The following WHRN variants were observed in gnomAD, a reference collection of about 807,000 sequenced individuals.
The protein encoded by WHRN is CASK-interacting protein CIP98.
In WHRN, 41 loss-of-function variants were observed where a neutral mutation model predicts 68.3. The ratio of observed to expected loss-of-function variants is 0.60; its 90% CI spans 0.47 to 0.78. WHRN has a LOEUF of 0.78. Ranked by LOEUF, WHRN falls within the 30% of genes least tolerant of loss-of-function variation. WHRN has a pLI of 0.00. For synonymous variants in WHRN, 560 were observed against 561.3 expected (o/e 1.00, Z 0.03); for missense variants, 1,243 against 1,244.7 (o/e 1.00, Z 0.02).
rs1451148955 is a variant in WHRN, at chr9:114,424,363, G to C, written c.1387C>G (p.Leu463Val). The C allele has an allele frequency of 1.2e-6, 2 of 1,612,336 alleles. No homozygotes were observed. Among genetic ancestry groups the C allele is most frequent in the Admixed American group, 1.7e-5 (1 of 60,028 alleles). The change falls in exon 6 of 12, where the codon CTG (leucine) becomes GTG (valine). Residue 463 changes from leucine (L) to valine (V), a missense_variant. Leu to Val is a conservative substitution (Grantham distance 32). Coordinates refer to ENST00000362057, the MANE Select transcript of WHRN (RefSeq NM_015404.4). ...SVSVEALVMA[L>V]FKLLNTHAKF... ...GCGTGGGTGTTGAGCAGCTTGAACA[G>C]GGCCATGACGAGGGCCTCCACAGAG... is the stretch of plus-strand genomic sequence containing the variant.
chr9:114,498,043 TAC>T (rs1179447355), intron 1 of WHRN, among the ~76,000 whole-genome samples: 1 of 152,170 alleles, frequency 6.6e-6, no homozygotes, highest in African/African-American at 2.4e-5. Flanking sequence ...AACGCTGCCA[TAC>T]ACAGACTTCC....
intron 7 of WHRN, among the ~76,000 whole-genome samples, chr9:114,409,293 C>T (rs1459604487): frequency 1.3e-5 from 2 of 152,132 alleles, no homozygotes; most frequent in South Asian, 2.1e-4. Flanking sequence ...TGGGGTCAGT[C>T]GACAAGCAAA....
rs149202009 is a variant in WHRN at position 114,426,193 on chromosome 9, C to T, written c.1166+18G>A. ...TGGCCCTGGGGTCTGGAGATTGGAG[C>T]GAGCAGAGTGGCCAGACCCTGCCGA... On this transcript the variant is annotated intron_variant, in intron 4 of 11. Transcript: ENST00000362057. 5.7e-3 allele frequency: 9,223 copies of T among 1,611,748 alleles called. 37 individuals carry two copies. Among genetic ancestry groups the T allele is most frequent in the Non-Finnish European group, 6.6e-3 (7,752 of 1,179,910 alleles).
intron 8 of WHRN, among the ~76,000 whole-genome samples, chr9:114,407,671 G>A (rs1457148030): frequency 6.9e-6 from 1 of 144,908 alleles, no homozygotes; most frequent in Non-Finnish European, 1.5e-5. Context: ...GGAAACTGAG[G>A]CACAGAGAGG....
intron 3 of WHRN, among the ~76,000 whole-genome samples, chr9:114,457,349 T>C (rs1285815774): frequency 6.6e-6 from 1 of 151,962 alleles, no homozygotes; most frequent in Admixed American, 6.6e-5. Flanking sequence ...TAAATAAGCA[T>C]ATCAAATGTG....
chr9:114,405,010 G>A (rs1834919411), intron 9 of WHRN, among the ~76,000 whole-genome samples: 1 of 151,638 alleles, frequency 6.6e-6, no homozygotes, highest in Admixed American at 6.6e-5. Flanking sequence ...CAGACCAGGT[G>A]TGGTGGAATT....
chr9:114,452,650 C>T (rs542667728), intron 3 of WHRN, among the ~76,000 whole-genome samples: 1 of 152,224 alleles, frequency 6.6e-6, no homozygotes, highest in African/African-American at 2.4e-5. Context: ...CAGACCCTGT[C>T]TCTCAGAGAT....
intron 7 of WHRN, among the ~76,000 whole-genome samples, chr9:114,418,881 G>A (rs1202624126): frequency 6.6e-6 from 1 of 152,108 alleles, no homozygotes; most frequent in Non-Finnish European, 1.5e-5. Context: ...TCTATATCCT[G>A]TGTTATTGCC....
At chr9:114,486,941 TTGTGTGTG>T (rs1347597157) in intron 1 of WHRN, among the ~76,000 whole-genome samples, 525 of 5,280 alleles carry the variant, frequency 0.099, 13 homozygotes, top group African/African-American at 0.13. Context: ...TGTGTGTGTG[TTGTGTGTG>T]TGTGTGTGTG....
chr9:114,442,843 A>G (rs1838491920), intron 3 of WHRN, among the ~76,000 whole-genome samples: 2 of 152,236 alleles, frequency 1.3e-5, no homozygotes, highest in African/African-American at 4.8e-5. Context: ...TAAATTACCC[A>G]GGCTCGGATA....
intron 1 of WHRN, 123 bp from the exon 2 acceptor site, chr9:114,478,894 G>T (rs1390209081): frequency 3.3e-6 from 3 of 907,528 alleles, no homozygotes; most frequent in East Asian, 5.2e-5. Context: ...GGCCAGCCCT[G>T]AAGTCCCTTT....
intron 3 of WHRN, among the ~76,000 whole-genome samples, chr9:114,451,445 G>GA: frequency 6.6e-6 from 1 of 152,272 alleles, no homozygotes; most frequent in African/African-American, 2.4e-5. Context: ...TGATTTCAAG[G>GA]AATCACCTGG....
Position 114,403,248 on chromosome 9 carries a change from C to T in WHRN, c.2510G>A (p.Arg837His), listed in dbSNP as rs55749855. 8.3e-4 allele frequency: 1,342 copies of T among 1,614,148 alleles called. 1 individual carries two copies. The highest frequency in any genetic ancestry group is 1.3e-3 in the South Asian group (117 of 91,084). ...AGTGACAATCCTAGGCAGGGGCTGG[C>T]GGGTGTTGGCGCCACCCTCGATGGC... ...GIAIEGGANT[R>H]QPLPRIVTIQ... The change falls in exon 11 of 12, where the codon CGC (arginine) becomes CAC (histidine). Residue 837 changes from arginine to histidine, a missense_variant. Physicochemically the swap from Arg to His is conservative, Grantham distance 29 (BLOSUM62 0). Transcript: ENST00000362057.
At chr9:114,435,359 C>T (rs527384168) in intron 3 of WHRN, among the ~76,000 whole-genome samples, 27 of 152,146 alleles carry the variant, frequency 1.8e-4, no homozygotes, top group Non-Finnish European at 3.5e-4. Context: ...GCAGACAGGC[C>T]GGAGACATTT....
intron 1 of WHRN, among the ~76,000 whole-genome samples, chr9:114,486,965 A>G (rs1191118389): frequency 0.085 from 84 of 984 alleles, 1 homozygote; most frequent in African/African-American, 0.12. Flanking sequence ...GTGTGTATAT[A>G]TATATATATA....
chr9:114,455,713 CAAAAAA>C (rs34546424), intron 3 of WHRN, among the ~76,000 whole-genome samples: 4 of 123,340 alleles, frequency 3.2e-5, no homozygotes, highest in Non-Finnish European at 3.5e-5. Context: ...GACCCTGTCT[CAAAAAA>C]AAAAAAAAAA....
intron 1 of WHRN, among the ~76,000 whole-genome samples, chr9:114,484,903 G>A (rs1024790023): frequency 5.3e-5 from 8 of 152,186 alleles, no homozygotes; most frequent in African/African-American, 1.9e-4. Context: ...CTGCTTAGCA[G>A]AGGAGTGAGA....
intron 9 of WHRN, among the ~76,000 whole-genome samples, chr9:114,405,070 CT>C (rs34172199): frequency 0.038 from 4,116 of 109,038 alleles, 43 homozygotes; most frequent in South Asian, 0.055. Context: ...CTCTCTCTCT[CT>C]TTTTTTTTTT....
chr9:114,501,336 T>G (rs1041866227), intron 1 of WHRN, among the ~76,000 whole-genome samples: 2 of 152,176 alleles, frequency 1.3e-5, no homozygotes, highest in African/African-American at 4.8e-5. Flanking sequence ...CACTGCTGAT[T>G]TTGCAAATGG....
Sources: allele counts gnomAD v4.1 joint callset (sites outside exome capture counted in the v4.1 genomes callset), GRCh38; gene constraint gnomAD v4.1.1; transcripts MANE v1.5; gene names NCBI Gene and HGNC (gene_info 2026-07-23, HGNC 2026-07-21).